The following APRT variants were observed in gnomAD, a reference collection of about 807,000 sequenced individuals.
APRT encodes AMP diphosphorylase.
APRT carries 25 observed loss-of-function variants against 21.0 expected under a neutral mutation model. The observed-to-expected ratio is 1.19, with a 90% CI of 0.87 to 1.66. APRT has a LOEUF of 1.66. Ranked by LOEUF, APRT falls within the 40% of genes most tolerant of loss-of-function variation. The pLI is 0.00. For synonymous variants in APRT, 153 were observed against 109.0 expected (o/e 1.40, Z -2.52); for missense variants, 294 against 232.7 (o/e 1.26, Z -1.72).
Position 88,809,424 on chromosome 16 carries a change from C to A in APRT, c.*274G>T. On this transcript the variant is annotated 3_prime_UTR_variant, in exon 5 of 5. Coordinates refer to ENST00000378364, the MANE Select transcript of APRT (RefSeq NM_000485.3). Reference sequence around the variant, plus strand: ...CAGTACAGCTGAAGTCTGGTGTTGTCCTGGGGCTCCCTGCCCTGGGGAACA... The same window carrying A: ...CAGTACAGCTGAAGTCTGGTGTTGTACTGGGGCTCCCTGCCCTGGGGAACA... The A allele has an allele frequency of 1.7e-6, 1 of 581,564 alleles. No homozygotes were observed. The highest frequency in any genetic ancestry group is 1.5e-5 in the South Asian group (1 of 65,724). The allele number at this position is 581,564 out of a possible 1,614,324, so 36.0% of individuals were successfully genotyped here.
rs1443656921 is a variant in APRT, at chr16:88,809,483, T to G, written c.*215A>C. On this transcript the variant is annotated 3_prime_UTR_variant, in exon 5 of 5. Coordinates refer to ENST00000378364, the MANE Select transcript of APRT (RefSeq NM_000485.3). ...GGAGACGGCTCTTGTGGGAAAGCTG[T>G]TTACTGCGTTCTCCCGCTGTGTGTA... 2 of 765,932 alleles carry G rather than the reference T, an allele frequency of 2.6e-6. No homozygotes were observed. Among genetic ancestry groups the G allele is most frequent in the Admixed American group, 2.0e-5 (1 of 49,050 alleles). 47.4% of individuals were successfully genotyped at this position (765,932 alleles called of 1,614,324 possible). A position where few individuals can be genotyped will look rare whatever the true frequency, so the allele number is the denominator to read the frequency against.
chr16:88,809,921 GGGAAGGCATGGGGAGA>G, intron 4 of APRT, 81 bp from the exon 5 acceptor site: 1 of 1,585,066 alleles, frequency 6.3e-7, no homozygotes, highest in Non-Finnish European at 8.6e-7. Context: ...GGTTGGGGAG[GGGAAGGCATGGGGAGA>G]GGAAGGTGTC....
intron 3 of APRT, 48 bp downstream of exon 3, chr16:88,810,375 C>T (rs1268390886): frequency 3.1e-6 from 5 of 1,606,240 alleles, no homozygotes; most frequent in South Asian, 1.1e-5. Flanking sequence ...GGAGAGTGGC[C>T]ACGGTGGCCT....
rs774591384 is a variant in APRT, at chr16:88,809,930, T to C, written c.401-90A>G. ...CCCCTGGGTTGGGGAGGGGAAGGCA[T>C]GGGGAGAGGAAGGTGTCGGCCTGGC... On this transcript the variant is annotated intron_variant, in intron 4 of 4. Coordinates refer to ENST00000378364, the MANE Select transcript of APRT (RefSeq NM_000485.3). 8 of 1,581,736 alleles carry C rather than the reference T, an allele frequency of 5.1e-6. No individual in the cohort carries two copies. In the Admixed American group the frequency reaches 1.3e-4, roughly 26 times the overall value.
At chr16:88,810,361 TG>T in intron 3 of APRT, 61 bp downstream of exon 3, 1 of 1,601,824 alleles carries the variant, frequency 6.2e-7, no homozygotes, top group Non-Finnish European at 8.5e-7. Context: ...CTTTTAGAAC[TG>T]GGGGAGAGTG....
At chr16:88,811,704 G>A (rs1909149344) in intron 1 of APRT, 48 bp from the exon 2 acceptor site, 2 of 1,511,694 alleles carry the variant, frequency 1.3e-6, no homozygotes, top group Non-Finnish European at 1.8e-6. Flanking sequence ...AGGAGGGCAG[G>A]GCCCCGGGGG....
In APRT at chr16:88,809,343, T is replaced by C. The variant is rs8191502; in HGVS notation, c.*355A>G. ...GCAGTGCCTGGAGGGTTCTAGCTCC[T>C]GAGGTGAGAACCAGGACAGGTTCTG... On this transcript the variant is annotated 3_prime_UTR_variant, in exon 5 of 5. Transcript: ENST00000378364. The C allele has an allele frequency of 1.2e-3, 544 of 453,236 alleles. 1 individual carries two copies. Among genetic ancestry groups the C allele is most frequent in the Non-Finnish European group, 1.5e-3 (340 of 229,422 alleles). The allele number at this position is 453,236 out of a possible 1,614,324, so 28.1% of individuals were successfully genotyped here.
Position 88,810,068 on chromosome 16 carries a change from ACCACCAGTGG to A in APRT, c.392_400+1del, listed in dbSNP as rs771893788. 2 of 1,612,938 alleles carry A rather than the reference ACCACCAGTGG, an allele frequency of 1.2e-6. No homozygotes were observed. Among genetic ancestry groups the A allele is most frequent in the African/African-American group, 2.7e-5 (2 of 74,902 alleles). On this transcript the variant is annotated splice_donor_variant and coding_sequence_variant, in exon 4 of 5. Coordinates refer to ENST00000378364, the MANE Select transcript of APRT (RefSeq NM_000485.3). LOFTEE classifies it high-confidence loss of function. ...AGCAGTTGGCTGCGGGGAGACCCTT[ACCACCAGTGG>A]CCAGCAGATCATCCACGACGACCAC...
intron 2 of APRT, 107 bp downstream of exon 2, chr16:88,811,443 C>T: frequency 1.6e-6 from 2 of 1,254,346 alleles, no homozygotes; most frequent in East Asian, 2.6e-5. Context: ...CCGGCGCCCC[C>T]TGAAGCACCC....
intron 2 of APRT, chr16:88,811,194 G>A: frequency 2.2e-6 from 1 of 462,492 alleles, no homozygotes; most frequent in Non-Finnish European, 3.8e-6. Context: ...TCTTCACCAG[G>A]GAAGGCCTGG....
At chr16:88,810,195 G>T (rs1195583761) in intron 3 of APRT, 47 bp from the exon 4 acceptor site, 6 of 1,595,742 alleles carry the variant, frequency 3.8e-6, no homozygotes, top group Non-Finnish European at 5.1e-6. Context: ...GCAGAAAACA[G>T]CTTTGTTGCA....
chr16:88,811,737 C>T (rs1909151541), intron 1 of APRT, 81 bp from the exon 2 acceptor site: 3 of 1,500,482 alleles, frequency 2.0e-6, no homozygotes, highest in South Asian at 1.3e-5. Flanking sequence ...GTTCCCGCCC[C>T]GCCCGCCCGG....
intron 2 of APRT, among the ~76,000 whole-genome samples, 177 bp from the exon 3 acceptor site, chr16:88,810,733 G>C (rs796598476): frequency 3.3e-5 from 5 of 152,178 alleles, no homozygotes; most frequent in Admixed American, 2.0e-4. Context: ...TGCAGACCTG[G>C]GTCTGTCTTT....
intron 4 of APRT, 101 bp from the exon 5 acceptor site, chr16:88,809,941 A>T: frequency 6.3e-7 from 1 of 1,575,632 alleles, no homozygotes; most frequent in South Asian, 1.1e-5. Context: ...GGGGAGAGGA[A>T]GGTGTCGGCC....
At chr16:88,811,154 G>C in intron 2 of APRT, 1 of 421,482 alleles carries the variant, frequency 2.4e-6, no homozygotes, top group South Asian at 4.2e-5. Flanking sequence ...AGGCCTCCAG[G>C]CCTCCCTTCC....
chr16:88,811,047 C>T, intron 2 of APRT: 1 of 280,924 alleles, frequency 3.6e-6, no homozygotes, highest in South Asian at 5.0e-5. Flanking sequence ...GCGCTTTCCT[C>T]AGGGCAGTGT....
At position 88,809,536 on chromosome 16, in the gene APRT, C is replaced by G. The variant is rs1346683245; in HGVS notation, c.*162G>C. The G allele has an allele frequency of 8.6e-7, 1 of 1,167,390 alleles. No homozygotes were observed. The highest frequency in any genetic ancestry group is 1.2e-6 in the Non-Finnish European group (1 of 803,792). 72.3% of individuals were successfully genotyped at this position (1,167,390 alleles called of 1,614,324 possible). On this transcript the variant is annotated 3_prime_UTR_variant, in exon 5 of 5. Transcript: ENST00000378364. ...TGGGTTCAGTGTGGCTGAAACACAGCTTTGCCCCAGGCTTTGGCACTTCCA... is the reference window on the plus strand; with the variant it reads ...TGGGTTCAGTGTGGCTGAAACACAGGTTTGCCCCAGGCTTTGGCACTTCCA...
In APRT at chr16:88,811,648, G is replaced by A; in HGVS notation, c.89C>T (p.Ser30Leu). 1.9e-6 allele frequency: 3 copies of A among 1,594,782 alleles called. No individual in the cohort carries two copies. The highest frequency in any genetic ancestry group is 8.5e-7 in the Non-Finnish European group (1 of 1,171,050). The change falls in exon 2 of 5, where the codon TCG (serine) becomes TTG (leucine). Residue 30 changes from serine to leucine, a missense_variant. By Grantham distance (145) the Ser-to-Leu change is moderately radical. Transcript: ENST00000378364. Reference protein sequence around the residue: ...PTPGVVFRDISPVLKDPASFR... With the variant: ...PTPGVVFRDILPVLKDPASFR... ...GGAGGCGGGGTCCTTCAGGACGGGC[G>A]AGATGTCCCTGGACCCAAGGACAGG... is the stretch of plus-strand genomic sequence containing the variant.
chr16:88,810,991 A>AG (rs1044060606), intron 2 of APRT, among the ~76,000 whole-genome samples: 1 of 152,082 alleles, frequency 6.6e-6, no homozygotes, highest in Non-Finnish European at 1.5e-5. Context: ...TTCCTGCAGG[A>AG]GGTGAGAAGG....
Sources: gnomAD v4.1 joint callset for allele counts (sites outside exome capture counted in the v4.1 genomes callset) on GRCh38, gnomAD v4.1.1 for gene constraint, MANE v1.5 for transcripts, NCBI Gene and HGNC (gene_info 2026-07-23, HGNC 2026-07-21) for gene names.